Variants in HEMK2 observed in about 807,000 individuals in gnomAD.
The protein encoded by HEMK2 is methyltransferase HEMK2.
chr21:28,603,280 G>A, the HEMK2 span, among the ~76,000 whole-genome samples: 21 of 152,112 alleles, frequency 1.4e-4, no homozygotes, highest in Non-Finnish European at 2.6e-4. Context: ...GATCACTTCT[G>A]GAGAACCCAA....
At chr21:28,747,465 T>A in the HEMK2 span, among the ~76,000 whole-genome samples, 3 of 152,196 alleles carry the variant, frequency 2.0e-5, no homozygotes, top group Non-Finnish European at 4.4e-5. Context: ...AAAATACATA[T>A]GAAAATTAAT....
At chr21:28,734,880 A>G in the HEMK2 span, among the ~76,000 whole-genome samples, 1 of 152,194 alleles carries the variant, frequency 6.6e-6, no homozygotes, top group African/African-American at 2.4e-5. Flanking sequence ...AACAACAATC[A>G]CTTGCATAAC....
chr21:28,725,266 C>T, the HEMK2 span, among the ~76,000 whole-genome samples: 1 of 152,224 alleles, frequency 6.6e-6, no homozygotes, highest in African/African-American at 2.4e-5. Flanking sequence ...AAGTAAGTGA[C>T]TTATGGCACA....
chr21:28,609,276 G>A, the HEMK2 span, among the ~76,000 whole-genome samples: 1 of 152,062 alleles, frequency 6.6e-6, no homozygotes, highest in Non-Finnish European at 1.5e-5. Context: ...AGCTCTTCTG[G>A]GTGGTTAGAT....
chr21:28,623,968 A>T, the HEMK2 span, among the ~76,000 whole-genome samples: 1 of 152,316 alleles, frequency 6.6e-6, no homozygotes, highest in Admixed American at 6.5e-5. Flanking sequence ...TGTATCCCAG[A>T]ACTTAAAGTA....
At chr21:28,740,073 A>G in the HEMK2 span, among the ~76,000 whole-genome samples, 1 of 152,218 alleles carries the variant, frequency 6.6e-6, no homozygotes, top group Non-Finnish European at 1.5e-5. Flanking sequence ...TTCCCTTGAT[A>G]TGCGTTTTAC....
chr21:28,657,560 T>A, the HEMK2 span, among the ~76,000 whole-genome samples: 1 of 151,992 alleles, frequency 6.6e-6, no homozygotes, highest in Non-Finnish European at 1.5e-5. Context: ...AACAACACCA[T>A]GAAAATTGTA....
chr21:28,596,386 A>G, the HEMK2 span, among the ~76,000 whole-genome samples: 1 of 152,052 alleles, frequency 6.6e-6, no homozygotes, highest in African/African-American at 2.4e-5. Flanking sequence ...CTTTCTCATA[A>G]ATTTTCTGAT....
the HEMK2 span, among the ~76,000 whole-genome samples, chr21:28,770,828 T>G: frequency 1.3e-5 from 2 of 152,072 alleles, no homozygotes; most frequent in East Asian, 1.9e-4. Flanking sequence ...TGTGGTATTC[T>G]CTCATAGCAG....
At chr21:28,834,407 G>A in the HEMK2 span, among the ~76,000 whole-genome samples, 8 of 152,168 alleles carry the variant, frequency 5.3e-5, no homozygotes, top group Admixed American at 1.3e-4. Context: ...CTGAAGGTCT[G>A]TTTGCAGGAG....
At chr21:28,838,972 A>AAAAAAAATATATAT in the HEMK2 span, among the ~76,000 whole-genome samples, 1 of 29,164 alleles carries the variant, frequency 3.4e-5, no homozygotes, top group Non-Finnish European at 5.6e-5. Flanking sequence ...AAAAAAAAAA[A>AAAAAAAATATATAT]ATATATATAT....
At chr21:28,750,949 G>A in the HEMK2 span, among the ~76,000 whole-genome samples, 1 of 152,028 alleles carries the variant, frequency 6.6e-6, no homozygotes, top group Non-Finnish European at 1.5e-5. Flanking sequence ...ACATTAGTTC[G>A]GCCAGGTGCG....
chr21:28,864,919 T>TAGATAGATAGATAGATAGATAGAC, the HEMK2 span, among the ~76,000 whole-genome samples: 45 of 143,884 alleles, frequency 3.1e-4, no homozygotes, highest in African/African-American at 1.2e-3. Flanking sequence ...ATGATATAGA[T>TAGATAGATAGATAGATAGATAGAC]AGATAGACAG....
the HEMK2 span, among the ~76,000 whole-genome samples, chr21:28,578,818 C>T: frequency 2.6e-5 from 4 of 152,132 alleles, no homozygotes; most frequent in African/African-American, 9.7e-5. Context: ...CAAGGCAGCA[C>T]ACGTAATATT....
At chr21:28,662,989 C>T in the HEMK2 span, among the ~76,000 whole-genome samples, 3 of 152,198 alleles carry the variant, frequency 2.0e-5, no homozygotes, top group South Asian at 6.2e-4. Flanking sequence ...CTCTGAGAAC[C>T]TTCCAGCACC....
chr21:28,873,995 G>A, the HEMK2 span: 5 of 152,180 alleles, frequency 3.3e-5, no homozygotes, highest in African/African-American at 7.2e-5. Context: ...AGTCATAAGA[G>A]AAATGCACCA....
At chr21:28,682,215 A>C in the HEMK2 span, among the ~76,000 whole-genome samples, 1 of 152,142 alleles carries the variant, frequency 6.6e-6, no homozygotes, top group Non-Finnish European at 1.5e-5. Context: ...GAAAAAAACA[A>C]ACAACCCCAT....
chr21:28,814,690 C>T, the HEMK2 span, among the ~76,000 whole-genome samples: 1 of 152,154 alleles, frequency 6.6e-6, no homozygotes, highest in Admixed American at 6.5e-5. Context: ...GATACCATCT[C>T]ACACCAGTTA....
At chr21:28,876,468 T>C in the HEMK2 span, 5 of 1,605,110 alleles carry the variant, frequency 3.1e-6, no homozygotes, top group East Asian at 4.5e-5. Context: ...AGACCTTTTG[T>C]CTTCATTATT....
Sources: gnomAD v4.1 joint callset for allele counts (sites outside exome capture counted in the v4.1 genomes callset) on GRCh38, gnomAD v4.1.1 for gene constraint, MANE v1.5 for transcripts, NCBI Gene and HGNC (gene_info 2026-07-23, HGNC 2026-07-21) for gene names.